CD5: variants seen among roughly 807,000 people sequenced by gnomAD.
CD5 encodes CD5 molecule, also known as T-cell surface glycoprotein CD5.
Under a neutral mutation model 60.3 loss-of-function variants are expected in CD5, and 36 were observed. The observed-to-expected ratio is 0.60, with a 90% confidence interval of 0.46 to 0.79. The LOEUF (loss-of-function observed/expected upper bound fraction) is 0.79. CD5 is among the 30% of genes least tolerant of loss of function. The probability of loss-of-function intolerance (pLI) is 0.00; values close to 1 mark genes in which losing one functional copy is unlikely to be tolerated. For synonymous variants in CD5, 230 were observed against 257.6 expected (o/e 0.89, Z 1.03); for missense variants, 540 against 630.6 (o/e 0.86, Z 1.54).
chr11:61,104,452 C>T (rs1280130972), intron 1 of CD5, among the ~76,000 whole-genome samples: 2 of 152,154 alleles, frequency 1.3e-5, no homozygotes, highest in Admixed American at 6.5e-5. Flanking sequence ...TGAGATAGGG[C>T]GGCTCCCAGC....
Position 61,127,642 on chromosome 11 carries a change from A to G in CD5, c.*1357A>G, listed in dbSNP as rs949370539. The G allele has an allele frequency of 2.0e-5, 3 of 152,168 alleles. No homozygotes were observed. Among genetic ancestry groups the G allele is most frequent in the African/African-American group, 7.2e-5 (3 of 41,440 alleles). The allele number at this position is 152,168 out of a possible 1,614,324, so 9.4% of individuals were successfully genotyped here. ...AAACAGGGACCCCATTTGTCTTCCC[A>G]TATCTGGTGGAGGTGAGGGGGCTCC... On this transcript the variant is annotated 3_prime_UTR_variant, in exon 11 of 11. Coordinates refer to ENST00000347785, the MANE Select transcript of CD5 (RefSeq NM_014207.4).
intron 5 of CD5, among the ~76,000 whole-genome samples, chr11:61,120,284 G>A (rs1169644989): frequency 1.3e-5 from 2 of 152,164 alleles, no homozygotes; most frequent in Admixed American, 1.3e-4. Context: ...GCCTCCCTCC[G>A]GAAGTAGTGG....
chr11:61,096,866 A>G, the CD5 span, among the ~76,000 whole-genome samples: 7 of 152,204 alleles, frequency 4.6e-5, no homozygotes, highest in Non-Finnish European at 5.9e-5. Context: ...CTGGGGCCCA[A>G]CCAATTAGAC....
At chr11:61,112,649 A>AC (rs1860874171) in intron 1 of CD5, among the ~76,000 whole-genome samples, 1 of 151,890 alleles carries the variant, frequency 6.6e-6, no homozygotes, top group Non-Finnish European at 1.5e-5. Flanking sequence ...GTTTCAAAAA[A>AC]AAAAGAAAAA....
At chr11:61,100,440 C>G (rs544567558), upstream of CD5, among the ~76,000 whole-genome samples, 1 of 148,730 alleles carries the variant, frequency 6.7e-6, no homozygotes, top group Admixed American at 6.7e-5. Context: ...AGATCACACA[C>G]ACACAACATG....
At chr11:61,100,649 ACACACACATCAACATGGAGATCACATT>A (rs1403286499), upstream of CD5, among the ~76,000 whole-genome samples, 1 of 117,884 alleles carries the variant, frequency 8.5e-6, no homozygotes, top group African/African-American at 3.7e-5. Flanking sequence ...CATGGAGATT[ACACACACATCAACATGGAGATCACATT>A]CACACACATC....
chr11:61,125,720 C>T, intron 9 of CD5, 31 bp from the exon 10 acceptor site: 1 of 1,548,922 alleles, frequency 6.5e-7, no homozygotes, highest in Non-Finnish European at 8.9e-7. Context: ...AGTCAAAAAC[C>T]CTCTGCAAAC....
rs755184614 is a variant in CD5 at position 61,118,327 on chromosome 11, C to G, written c.247C>G (p.Arg83Gly). 1.2e-6 allele frequency: 2 copies of G among 1,614,138 alleles called. No homozygotes were observed. Among genetic ancestry groups the G allele is most frequent in the Non-Finnish European group, 1.7e-6 (2 of 1,180,052 alleles). The change falls in exon 3 of 11, where the codon CGG (arginine) becomes GGG (glycine). Residue 83 changes from arginine (R) to glycine (G), a missense_variant. Transcript: ENST00000347785. This position sits in a 1 kb window ranked among gnomAD's most constrained non-coding sequence, Gnocchi z 4.7. ...DPSQASKVCQ[R>G]LNCGVPLSLG... ...CAGTCAAGCGTCAAAAGTCTGCCAG[C>G]GGCTGAACTGTGGGGTGCCCTTAAG...
At chr11:61,115,134 G>A (rs1039672295) in intron 2 of CD5, 40 bp downstream of exon 2, 10 of 1,537,616 alleles carry the variant, frequency 6.5e-6, no homozygotes, top group Non-Finnish European at 8.8e-6. Context: ...GGGGCAGGGG[G>A]AGAGTGGGGC....
chr11:61,122,366 GGATGGAT>G (rs1407351397), intron 6 of CD5, among the ~76,000 whole-genome samples: 4 of 148,022 alleles, frequency 2.7e-5, no homozygotes, highest in African/African-American at 1.0e-4. Context: ...GTGGGTGGGT[GGATGGAT>G]GATGGATGGA....
chr11:61,110,484 C>A (rs1028459353), intron 1 of CD5, among the ~76,000 whole-genome samples: 3 of 152,256 alleles, frequency 2.0e-5, no homozygotes, highest in African/African-American at 7.2e-5. Flanking sequence ...CACTTCATAG[C>A]TAAGTCTTCT....
Position 61,118,585 on chromosome 11 carries a change from T to A in CD5, c.400+105T>A. ...GGTCTGAGCAGGCTGGTGGAAGGGG[T>A]GGGGGGACCCCAGTTTATAACCACT... is the stretch of plus-strand genomic sequence containing the variant. On this transcript the variant is annotated intron_variant, in intron 3 of 10. Transcript: ENST00000347785. This position sits in a 1 kb window ranked among gnomAD's most constrained non-coding sequence, Gnocchi z 4.7. 1.7e-6 allele frequency: 2 copies of A among 1,205,954 alleles called. No homozygotes were observed. The highest frequency in any genetic ancestry group is 2.3e-6 in the Non-Finnish European group (2 of 855,998). The allele number at this position is 1,205,954 out of a possible 1,614,324, so 74.7% of individuals were successfully genotyped here. A position where few individuals can be genotyped will look rare whatever the true frequency, so the allele number is the denominator to read the frequency against.
intron 10 of CD5, among the ~76,000 whole-genome samples, chr11:61,126,080 C>T (rs1478251911): frequency 2.0e-5 from 3 of 152,232 alleles, no homozygotes. Context: ...AAACTCCATT[C>T]GGAAGGCCAC....
rs1861141881 is a variant in CD5 at position 61,125,820 on chromosome 11, A to C, written c.1469A>C (p.His490Pro). 3 of 1,611,510 alleles carry C rather than the reference A, an allele frequency of 1.9e-6. No individual in the cohort carries two copies. The East Asian group carries it at 6.7e-5, about 36-fold the overall frequency. Residue 490 changes from histidine (H) to proline (P), a missense_variant, in exon 10 of 11, where the codon CAT (histidine) becomes CCT (proline). Transcript: ENST00000347785. The stretch of plus-strand genomic sequence containing the variant: ...TCCTCCGACAGTGACTATGATCTGC[A>C]TGGGGCTCAGAGGCTGTAAAGGTGA... The part of the protein sequence containing the change: ...DNSSDSDYDL[H>P]GAQRL
intron 2 of CD5, 46 bp downstream of exon 2, chr11:61,115,140 G>A: frequency 6.6e-7 from 1 of 1,526,608 alleles, no homozygotes; most frequent in African/African-American, 1.4e-5. Context: ...GGGGGAGAGT[G>A]GGGCTGTGGT....
intron 1 of CD5, among the ~76,000 whole-genome samples, chr11:61,109,318 GC>G (rs1860818422): frequency 6.6e-6 from 1 of 152,152 alleles, no homozygotes; most frequent in African/African-American, 2.4e-5. Context: ...TGCAGACACT[GC>G]CATGTGTTTG....
rs759713555 is a variant in CD5 at position 61,122,888 on chromosome 11, ACT to A, written c.1100-16_1100-15del. On this transcript the variant is annotated splice_polypyrimidine_tract_variant and intron_variant, in intron 6 of 10. Transcript: ENST00000347785. ...TCCCCCCAGGACTGGGACTGACCTA[ACT>A]CTTCCTCCTTCCCCAGGCCAGGATC... 5.0e-6 allele frequency: 8 copies of A among 1,604,596 alleles called. No individual in the cohort carries two copies. The South Asian group carries it at 8.8e-5, about 18-fold the overall frequency.
intron 9 of CD5, among the ~76,000 whole-genome samples, chr11:61,125,458 G>A (rs1720345175): frequency 6.6e-6 from 1 of 152,188 alleles, no homozygotes; most frequent in Non-Finnish European, 1.5e-5. Flanking sequence ...TGAGGGGCCT[G>A]GATGGTAAAT....
chr11:61,118,959 A>C lies in CD5; in HGVS notation c.445A>C (p.Thr149Pro), dbSNP rs1385916506. 40 of 1,613,726 alleles carry C rather than the reference A, an allele frequency of 2.5e-5. No individual in the cohort carries two copies. The highest frequency in any genetic ancestry group is 3.2e-5 in the Non-Finnish European group (38 of 1,179,774). The change falls in exon 4 of 11, where the codon ACA becomes CCA. Residue 149 changes from threonine (T) to proline (P), a missense_variant. Coordinates refer to ENST00000347785, the MANE Select transcript of CD5 (RefSeq NM_014207.4). The surrounding 1 kb of genome is among the most constrained non-coding windows in gnomAD (Gnocchi z 4.7). ...TCCAACGACAAGGCCCCCGCCCACC[A>C]CAACTCCAGAGCCCACAGGTAAGAG... ...TPPTTRPPPTTTPEPTAPPRL... is the reference protein window; with the variant it reads ...TPPTTRPPPTPTPEPTAPPRL...
Sources: allele counts gnomAD v4.1 joint callset (sites outside exome capture counted in the v4.1 genomes callset), GRCh38; gene constraint gnomAD v4.1.1; non-coding constraint Gnocchi (gnomAD v3.1); transcripts MANE v1.5; gene names NCBI Gene and HGNC (gene_info 2026-07-23, HGNC 2026-07-21).